Variants in ADAMTS3 observed in about 807,000 individuals in gnomAD.
The protein encoded by ADAMTS3 is ADAM metallopeptidase with thrombospondin type 1 motif 3, also known as A disintegrin and metalloproteinase with thrombospondin motifs 3.
A neutral mutation model predicts 129.0 loss-of-function variants in ADAMTS3; 73 were observed. That is an observed-to-expected ratio of 0.57 (90% CI 0.47 to 0.69). ADAMTS3 has a LOEUF of 0.69. ADAMTS3 is among the 30% of genes least tolerant of loss of function. ADAMTS3 has a pLI of 0.00. For synonymous variants in ADAMTS3, 477 were observed against 510.8 expected, an observed-to-expected ratio of 0.93 and a Z score of 0.89; for missense variants, 1,457 against 1,514.5, an observed-to-expected ratio of 0.96 and a Z score of 0.63.
intron 4 of ADAMTS3, among the ~76,000 whole-genome samples, chr4:72,363,920 G>A (rs1720794823): frequency 6.6e-6 from 1 of 152,076 alleles, no homozygotes; most frequent in African/African-American, 2.4e-5. Context: ...TGGTGATGGC[G>A]ACGATAATGA....
intron 3 of ADAMTS3, among the ~76,000 whole-genome samples, chr4:72,501,893 T>A (rs192824611): frequency 6.6e-6 from 1 of 152,306 alleles, no homozygotes; most frequent in East Asian, 1.9e-4. Flanking sequence ...TTTCTAATTC[T>A]GTTTATATGG....
At chr4:72,502,406 G>A (rs1007624810) in intron 3 of ADAMTS3, among the ~76,000 whole-genome samples, 1 of 152,072 alleles carries the variant, frequency 6.6e-6, no homozygotes, top group Non-Finnish European at 1.5e-5. Flanking sequence ...GTGTACATAG[G>A]TGTTCATAAT....
intron 4 of ADAMTS3, among the ~76,000 whole-genome samples, chr4:72,340,808 T>A (rs1173776691): frequency 6.6e-6 from 1 of 152,132 alleles, no homozygotes; most frequent in Non-Finnish European, 1.5e-5. Flanking sequence ...AATCTATCAT[T>A]TGGATTAAAA....
rs540744639 is a variant in ADAMTS3, at chr4:72,475,493, G to A, written c.505-60522C>T. Reference sequence around the variant, plus strand: ...TTAAATACATATGCACCAGACAACAGAGACGCAAAACATATGATACAAAAA... The same window carrying A: ...TTAAATACATATGCACCAGACAACAAAGACGCAAAACATATGATACAAAAA... On this transcript the variant is annotated intron_variant, in intron 3 of 21. Transcript: ENST00000286657. 8.6e-5 allele frequency among the ~76,000 whole-genome samples: 13 copies of A among 151,998 alleles called. No homozygotes were observed. In the East Asian group the frequency reaches 2.1e-3, roughly 25 times the overall value.
intron 3 of ADAMTS3, among the ~76,000 whole-genome samples, chr4:72,456,776 TG>T (rs1334950317): frequency 6.6e-6 from 1 of 151,496 alleles, no homozygotes; most frequent in South Asian, 2.1e-4. Context: ...CCTCTTTAAT[TG>T]GGGGTGCATT....
intron 3 of ADAMTS3, among the ~76,000 whole-genome samples, chr4:72,477,284 G>C (rs975784781): frequency 6.6e-6 from 1 of 152,162 alleles, no homozygotes; most frequent in Admixed American, 6.5e-5. Flanking sequence ...TGACCACACA[G>C]TTGGAAGTAA....
intron 3 of ADAMTS3, among the ~76,000 whole-genome samples, 158 bp from the exon 4 acceptor site, chr4:72,415,129 A>G (rs548306307): frequency 1.2e-3 from 175 of 151,460 alleles, no homozygotes; most frequent in African/African-American, 4.2e-3. Flanking sequence ...TTAACTATCA[A>G]TAATTAATTC....
intron 4 of ADAMTS3, among the ~76,000 whole-genome samples, chr4:72,396,259 A>T (rs1175423717): frequency 6.6e-6 from 1 of 152,214 alleles, no homozygotes; most frequent in Non-Finnish European, 1.5e-5. Context: ...AGGAAAAAGC[A>T]AATGTAACAG....
intron 3 of ADAMTS3, among the ~76,000 whole-genome samples, chr4:72,546,384 C>T (rs577707786): frequency 6.6e-6 from 1 of 151,988 alleles, no homozygotes; most frequent in African/African-American, 2.4e-5. Flanking sequence ...TGAGTTTATC[C>T]AATTTACACT....
At chr4:72,426,557 A>G (rs1722578778) in intron 3 of ADAMTS3, among the ~76,000 whole-genome samples, 1 of 152,092 alleles carries the variant, frequency 6.6e-6, no homozygotes, top group Admixed American at 6.6e-5. Flanking sequence ...TTGATTTGTA[A>G]AATATAAAAG....
intron 3 of ADAMTS3, among the ~76,000 whole-genome samples, chr4:72,536,167 G>A (rs919006134): frequency 2.6e-5 from 4 of 152,020 alleles, no homozygotes; most frequent in Non-Finnish European, 2.9e-5. Context: ...TCTCAACTCC[G>A]AAGATTCAAA....
intron 3 of ADAMTS3, among the ~76,000 whole-genome samples, chr4:72,547,686 A>G (rs1434814833): frequency 6.6e-6 from 1 of 152,216 alleles, no homozygotes; most frequent in Non-Finnish European, 1.5e-5. Context: ...AAATAAATAC[A>G]ATTTGATAAA....
At chr4:72,538,096 GA>G (rs1721226804) in intron 3 of ADAMTS3, among the ~76,000 whole-genome samples, 1 of 152,020 alleles carries the variant, frequency 6.6e-6, no homozygotes, top group Non-Finnish European at 1.5e-5. Flanking sequence ...GTCTGAGAAA[GA>G]AAAAAGATTG....
chr4:72,303,609 G>A lies in ADAMTS3; in HGVS notation c.2424+308C>T, dbSNP rs552381841. Among the ~76,000 whole-genome samples, 3 of 151,838 alleles carry A rather than the reference G, an allele frequency of 2.0e-5. No homozygotes were observed. The South Asian group carries it at 6.2e-4, about 32-fold the overall frequency. ...TCAGATGTACAAAGTAGAATGAAAA[G>A]CATACAAAATGGTAAATATGTGGGT... is the stretch of plus-strand genomic sequence containing the variant. On this transcript the variant is annotated intron_variant, in intron 17 of 21. Coordinates refer to ENST00000286657, the MANE Select transcript of ADAMTS3 (RefSeq NM_014243.3).
intron 4 of ADAMTS3, among the ~76,000 whole-genome samples, chr4:72,366,091 C>T (rs886781460): frequency 2.6e-5 from 4 of 152,078 alleles, no homozygotes; most frequent in East Asian, 1.9e-4. Context: ...AAGCAAATGA[C>T]GTTTTCATTT....
chr4:72,497,781 C>T (rs1560538609), intron 3 of ADAMTS3, among the ~76,000 whole-genome samples: 2 of 151,710 alleles, frequency 1.3e-5, no homozygotes, highest in Non-Finnish European at 2.9e-5. Flanking sequence ...AACATAAAAA[C>T]TGACCAGCCT....
chr4:72,361,637 T>G (rs1720730073), intron 4 of ADAMTS3, among the ~76,000 whole-genome samples: 1 of 152,130 alleles, frequency 6.6e-6, no homozygotes, highest in African/African-American at 2.4e-5. Flanking sequence ...TATTCTTTCC[T>G]GCATGAGCAT....
intron 3 of ADAMTS3, among the ~76,000 whole-genome samples, chr4:72,422,088 T>C (rs1377247103): frequency 1.3e-5 from 2 of 152,148 alleles, no homozygotes; most frequent in East Asian, 1.9e-4. Context: ...TTAGTACATA[T>C]GACAATGAAA....
chr4:72,377,451 A>G (rs989853419), intron 4 of ADAMTS3, among the ~76,000 whole-genome samples: 1 of 152,206 alleles, frequency 6.6e-6, no homozygotes, highest in Non-Finnish European at 1.5e-5. Flanking sequence ...ATATGTCATT[A>G]CAGAATAACT....
Sources: allele counts gnomAD v4.1 joint callset (sites outside exome capture counted in the v4.1 genomes callset), GRCh38; gene constraint gnomAD v4.1.1; transcripts MANE v1.5; gene names NCBI Gene and HGNC (gene_info 2026-07-23, HGNC 2026-07-21).